ANXA8: variants seen among roughly 807,000 people sequenced by gnomAD.
The protein encoded by ANXA8 is VAC-beta.
A neutral mutation model predicts 26.8 loss-of-function variants in ANXA8; 9 were observed. That is an observed-to-expected ratio of 0.34 (90% CI 0.20 to 0.59). ANXA8 has a LOEUF of 0.59. ANXA8 is among the 20% of genes least tolerant of loss of function. The pLI, the probability that ANXA8 is intolerant of heterozygous loss-of-function variation, is 0.84. For synonymous variants in ANXA8, 39 were observed against 94.8 expected, an observed-to-expected ratio of 0.41 and a Z score of 3.42; for missense variants, 83 against 238.5, an observed-to-expected ratio of 0.35 and a Z score of 4.29.
the ANXA8 span, among the ~76,000 whole-genome samples, chr10:47,743,394 G>A: frequency 2.2e-5 from 2 of 91,808 alleles, no homozygotes; most frequent in African/African-American, 7.8e-5. Context: ...GTGTGTGTGT[G>A]TGTGTGTGTG....
the ANXA8 span, chr10:47,502,273 C>T: frequency 2.5e-6 from 4 of 1,598,784 alleles, no homozygotes; most frequent in East Asian, 4.7e-5. Context: ...TCCCTCCCCA[C>T]AGGTCTCGTT....
the ANXA8 span, among the ~76,000 whole-genome samples, chr10:47,548,489 C>T: frequency 5.9e-5 from 9 of 152,282 alleles, no homozygotes; most frequent in South Asian, 2.1e-4. Context: ...TTAGTAGAGA[C>T]GGGGTTTCTG....
At chr10:47,495,758 T>C in the ANXA8 span, among the ~76,000 whole-genome samples, 1 of 148,292 alleles carries the variant, frequency 6.7e-6, no homozygotes, top group Non-Finnish European at 1.5e-5. Flanking sequence ...GGAAGCCACG[T>C]AAACCCAAAA....
chr10:47,971,426 A>T, the ANXA8 span, among the ~76,000 whole-genome samples: 1 of 147,746 alleles, frequency 6.8e-6, no homozygotes. Context: ...CTCCTAAATC[A>T]CAAAAACCTT....
At chr10:47,580,752 A>G in the ANXA8 span, among the ~76,000 whole-genome samples, 3 of 55,714 alleles carry the variant, frequency 5.4e-5, no homozygotes, top group African/African-American at 1.6e-4. Context: ...AAAAAACAAA[A>G]CAAAAAAAAA....
chr10:47,974,982 A>G, the ANXA8 span, among the ~76,000 whole-genome samples: 3 of 149,926 alleles, frequency 2.0e-5, no homozygotes, highest in South Asian at 2.1e-4. Flanking sequence ...ATGTGCTATT[A>G]GATAAGGGCC....
chr10:47,552,825 G>A, the ANXA8 span, among the ~76,000 whole-genome samples: 3 of 151,868 alleles, frequency 2.0e-5, no homozygotes, highest in Non-Finnish European at 4.4e-5. Flanking sequence ...TGTCTATGAT[G>A]TGCTAGCCAC....
the ANXA8 span, among the ~76,000 whole-genome samples, chr10:47,750,379 T>TA: frequency 7.6e-6 from 1 of 131,770 alleles, no homozygotes; most frequent in East Asian, 2.2e-4. Flanking sequence ...TGTTTATACT[T>TA]ATGTCATAAA....
At chr10:47,639,223 C>G in the ANXA8 span, among the ~76,000 whole-genome samples, 6 of 148,610 alleles carry the variant, frequency 4.0e-5, no homozygotes, top group Non-Finnish European at 8.9e-5. Flanking sequence ...AGCTCCGCCT[C>G]CCGGGTTCAC....
chr10:47,624,176 A>G, the ANXA8 span, among the ~76,000 whole-genome samples: 1 of 95,090 alleles, frequency 1.1e-5, no homozygotes. Flanking sequence ...CAGGAGGCAG[A>G]GCTTGCAGTG....
the ANXA8 span, among the ~76,000 whole-genome samples, chr10:47,605,183 G>GTTCTTGAAAAACAT: frequency 7.9e-6 from 1 of 126,144 alleles, no homozygotes; most frequent in African/African-American, 3.3e-5. Context: ...AACGGAAAGT[G>GTTCTTGAAAAACAT]TTCTTGAAAA....
chr10:47,612,102 G>C, the ANXA8 span, among the ~76,000 whole-genome samples: 2 of 69,842 alleles, frequency 2.9e-5, 1 homozygote, highest in Non-Finnish European at 7.1e-5. Flanking sequence ...AAAAGTCTTA[G>C]AGAAATATTT....
the ANXA8 span, among the ~76,000 whole-genome samples, chr10:47,940,966 C>A: frequency 7.0e-6 from 1 of 142,436 alleles, no homozygotes; most frequent in Non-Finnish European, 1.5e-5. Context: ...GGCAGTCAGG[C>A]AGACCATGGT....
chr10:47,907,699 CAG>C, the ANXA8 span, among the ~76,000 whole-genome samples: 3 of 143,598 alleles, frequency 2.1e-5, no homozygotes, highest in Non-Finnish European at 4.6e-5. Flanking sequence ...ATCTGGGAGG[CAG>C]AGAGTGCAGT....
At chr10:47,958,556 C>T in the ANXA8 span, among the ~76,000 whole-genome samples, 1 of 148,114 alleles carries the variant, frequency 6.8e-6, no homozygotes, top group Non-Finnish European at 1.5e-5. Context: ...TCAGATCCCT[C>T]GTGTGCCTTC....
At chr10:47,686,957 A>G in the ANXA8 span, among the ~76,000 whole-genome samples, 1 of 151,522 alleles carries the variant, frequency 6.6e-6, no homozygotes, top group Non-Finnish European at 1.5e-5. Context: ...AAAGATTTGT[A>G]GCTGAGCATG....
the ANXA8 span, among the ~76,000 whole-genome samples, chr10:47,684,423 TGG>T: frequency 0.015 from 2,038 of 135,846 alleles, 28 homozygotes; most frequent in African/African-American, 0.051. Context: ...AGTTTTTTTT[TGG>T]GGGGGGGGTG....
the ANXA8 span, among the ~76,000 whole-genome samples, chr10:47,659,474 G>A: frequency 2.0e-5 from 3 of 151,440 alleles, no homozygotes; most frequent in African/African-American, 2.4e-5. Context: ...GAGGTCAGGA[G>A]TTCGAGACCA....
chr10:47,747,026 A>G, the ANXA8 span, among the ~76,000 whole-genome samples: 1 of 134,324 alleles, frequency 7.4e-6, no homozygotes, highest in African/African-American at 2.8e-5. Context: ...ACTTTTTTAA[A>G]AAGTTTTTGG....
Sources: gnomAD v4.1 joint callset for allele counts (sites outside exome capture counted in the v4.1 genomes callset) on GRCh38, gnomAD v4.1.1 for gene constraint, MANE v1.5 for transcripts, NCBI Gene and HGNC (gene_info 2026-07-23, HGNC 2026-07-21) for gene names.